The following KIF6 variants were observed in gnomAD, a reference collection of about 807,000 sequenced individuals.
The protein encoded by KIF6 is kinesin family member 6.
A neutral mutation model predicts 112.7 loss-of-function variants in KIF6; 106 were observed. The ratio of observed to expected loss-of-function variants is 0.94; its 90% confidence interval spans 0.80 to 1.11. The LOEUF (loss-of-function observed/expected upper bound fraction) is 1.11. KIF6 is among the 50% of genes least tolerant of loss of function. The pLI is 0.00. For synonymous variants in KIF6, 339 were observed against 339.9 expected (o/e 1.00, Z 0.03); for missense variants, 929 against 964.0 (o/e 0.96, Z 0.48).
chr6:39,337,726 C>T (rs1305482782), intron 22 of KIF6, among the ~76,000 whole-genome samples: 7 of 152,180 alleles, frequency 4.6e-5, no homozygotes, highest in Non-Finnish European at 8.8e-5. Flanking sequence ...GGCCCCTATC[C>T]TGTCATCTCC....
chr6:39,538,293 G>A (rs914961420), intron 13 of KIF6, among the ~76,000 whole-genome samples: 6 of 151,080 alleles, frequency 4.0e-5, no homozygotes, highest in Non-Finnish European at 5.9e-5. Context: ...TACAACATGG[G>A]AGAAAATTTT....
At chr6:39,412,525 T>C (rs1769558196) in intron 15 of KIF6, among the ~76,000 whole-genome samples, 1 of 152,244 alleles carries the variant, frequency 6.6e-6, no homozygotes, top group Non-Finnish European at 1.5e-5. Context: ...TTGGAGTCTC[T>C]TTAAAGCTGA....
chr6:39,331,085 T>G lies in KIF6; in HGVS notation c.*5447A>C, dbSNP rs1390145271. Reference sequence around the variant, plus strand: ...ATCATTGTCCTAAGCTTCCCTTCCCTGCTTCTCTCTTTGCACCTTGCCGGG... The same window carrying G: ...ATCATTGTCCTAAGCTTCCCTTCCCGGCTTCTCTCTTTGCACCTTGCCGGG... On this transcript the variant is annotated 3_prime_UTR_variant, in exon 23 of 23. Transcript: ENST00000287152. 6.6e-6 allele frequency: 1 copy of G among 152,662 alleles called. No individual in the cohort carries two copies. The highest frequency in any genetic ancestry group is 2.4e-5 in the African/African-American group (1 of 41,444). The allele number at this position is 152,662 out of a possible 1,614,324, so 9.5% of individuals were successfully genotyped here.
intron 16 of KIF6, among the ~76,000 whole-genome samples, chr6:39,368,686 A>G (rs1239530530): frequency 6.6e-6 from 1 of 152,154 alleles, no homozygotes; most frequent in Non-Finnish European, 1.5e-5. Context: ...GCTAGGTGTG[A>G]GGAGCTATAT....
chr6:39,381,318 T>C (rs115608586), intron 16 of KIF6, among the ~76,000 whole-genome samples: 5,493 of 151,800 alleles, frequency 0.036, 177 homozygotes, highest in Non-Finnish European at 0.048. Flanking sequence ...ACAGAGGAAA[T>C]ACTGAGAATG....
intron 14 of KIF6, among the ~76,000 whole-genome samples, chr6:39,426,730 G>A (rs952622634): frequency 2.0e-5 from 3 of 152,034 alleles, no homozygotes; most frequent in Non-Finnish European, 2.9e-5. Flanking sequence ...CAGCCTAGGC[G>A]ACAGAGTGAG....
At chr6:39,500,022 G>C (rs564585713) in intron 13 of KIF6, among the ~76,000 whole-genome samples, 1 of 152,314 alleles carries the variant, frequency 6.6e-6, no homozygotes, top group African/African-American at 2.4e-5. Context: ...ATGATGTGTA[G>C]AGGTGTGTTT....
rs1245827220 is a variant in KIF6, at chr6:39,334,890, C to T, written c.*1642G>A. ...TTCTACAGACTTTACAGAGGGCTTA[C>T]TATGTTCCATTGAACTGTGAGGGCC... On this transcript the variant is annotated 3_prime_UTR_variant, in exon 23 of 23. Transcript: ENST00000287152. 7 of 152,184 alleles carry T rather than the reference C, an allele frequency of 4.6e-5. No homozygotes were observed. Among genetic ancestry groups the T allele is most frequent in the Non-Finnish European group, 8.8e-5 (6 of 68,064 alleles). 9.4% of individuals were successfully genotyped at this position (152,184 alleles called of 1,614,324 possible). A position where few individuals can be genotyped will look rare whatever the true frequency, so the allele number is the denominator to read the frequency against.
intron 16 of KIF6, among the ~76,000 whole-genome samples, chr6:39,369,435 CTG>C (rs1765804135): frequency 1.3e-5 from 2 of 152,190 alleles, no homozygotes. Flanking sequence ...GCAGGGCACT[CTG>C]TGAGAAGATA....
chr6:39,486,588 G>A (rs1351461909), intron 13 of KIF6, among the ~76,000 whole-genome samples: 1 of 152,152 alleles, frequency 6.6e-6, no homozygotes, highest in Non-Finnish European at 1.5e-5. Context: ...TGTGTTAATT[G>A]GAACAGTGTT....
chr6:39,559,607 C>T (rs1250672444), intron 10 of KIF6, among the ~76,000 whole-genome samples: 1 of 152,052 alleles, frequency 6.6e-6, no homozygotes. Flanking sequence ...ATTAAATTTG[C>T]TTAAATTTGC....
chr6:39,575,364 G>A (rs1407611809), intron 10 of KIF6, among the ~76,000 whole-genome samples: 2 of 151,416 alleles, frequency 1.3e-5, no homozygotes, highest in African/African-American at 4.9e-5. Context: ...TCTGCCTCCC[G>A]GGTTGACGCC....
At chr6:39,434,699 G>GAGGC (rs1244557872) in intron 13 of KIF6, among the ~76,000 whole-genome samples, 2 of 151,988 alleles carry the variant, frequency 1.3e-5, no homozygotes, top group Non-Finnish European at 2.9e-5. Context: ...GGGAGGGAGG[G>GAGGC]AGGCAGGGAC....
At chr6:39,438,558 GATAGA>G (rs1483595433) in intron 13 of KIF6, among the ~76,000 whole-genome samples, 3 of 152,044 alleles carry the variant, frequency 2.0e-5, no homozygotes, top group South Asian at 2.1e-4. Flanking sequence ...GGGAAAAGCT[GATAGA>G]ATAAAGATAT....
intron 7 of KIF6, among the ~76,000 whole-genome samples, chr6:39,589,776 C>A (rs886171348): frequency 6.6e-5 from 10 of 152,252 alleles, no homozygotes; most frequent in African/African-American, 2.4e-4. Flanking sequence ...CTTTGCAGAG[C>A]AGTTTAGTGG....
intron 16 of KIF6, among the ~76,000 whole-genome samples, chr6:39,368,007 C>T (rs1374797563): frequency 1.3e-5 from 2 of 152,070 alleles, no homozygotes; most frequent in Non-Finnish European, 2.9e-5. Flanking sequence ...GGCTTCAAGC[C>T]CAGTTTCAAT....
intron 13 of KIF6, among the ~76,000 whole-genome samples, chr6:39,453,916 C>T (rs960087267): frequency 3.3e-5 from 5 of 152,186 alleles, no homozygotes; most frequent in Admixed American, 6.5e-5. Context: ...TCTGAGCCTC[C>T]CTTACTGACT....
chr6:39,339,465 G>C (rs1385351801), intron 22 of KIF6, among the ~76,000 whole-genome samples: 1 of 152,130 alleles, frequency 6.6e-6, no homozygotes, highest in Admixed American at 6.5e-5. Context: ...GAACACAGAA[G>C]AGAGCTGGAG....
chr6:39,598,159 C>A (rs531676805), intron 6 of KIF6, among the ~76,000 whole-genome samples: 10 of 152,044 alleles, frequency 6.6e-5, no homozygotes, highest in African/African-American at 1.9e-4. Context: ...TGCATTCCAG[C>A]GTGGGTGGCA....
Sources: gnomAD v4.1 joint callset for allele counts (sites outside exome capture counted in the v4.1 genomes callset) on GRCh38, gnomAD v4.1.1 for gene constraint, MANE v1.5 for transcripts, NCBI Gene and HGNC (gene_info 2026-07-23, HGNC 2026-07-21) for gene names.